The following STAU2 variants were observed in gnomAD, a reference collection of about 807,000 sequenced individuals.
STAU2 encodes staufen double-stranded RNA binding protein 2, also known as double-stranded RNA-binding protein Staufen homolog 2.
In STAU2, 20 loss-of-function variants were observed where a neutral mutation model predicts 65.9. The observed-to-expected ratio is 0.30, with a 90% CI of 0.21 to 0.44. STAU2 has a LOEUF of 0.44. Ranked by LOEUF, STAU2 falls within the 20% of genes least tolerant of loss-of-function variation. The probability of loss-of-function intolerance (pLI) is 1.00; values close to 1 mark genes in which losing one functional copy is unlikely to be tolerated. For synonymous variants in STAU2, 232 were observed against 233.9 expected (o/e 0.99, Z 0.07); for missense variants, 558 against 683.9 (o/e 0.82, Z 2.05).
At chr8:73,694,927 AGG>A (rs1041843432) in intron 4 of STAU2, among the ~76,000 whole-genome samples, 15 of 152,324 alleles carry the variant, frequency 9.8e-5, no homozygotes, top group Admixed American at 8.5e-4. Context: ...CACTAGCTGG[AGG>A]GGAATTGCCC....
intron 3 of STAU2, among the ~76,000 whole-genome samples, chr8:73,725,704 G>A (rs774831797): frequency 2.6e-5 from 4 of 152,208 alleles, no homozygotes; most frequent in Admixed American, 6.5e-5. Context: ...GGCCGAGGCA[G>A]GTGAATCACT....
chr8:73,500,728 T>C (rs1190407819), intron 13 of STAU2, among the ~76,000 whole-genome samples: 1 of 151,936 alleles, frequency 6.6e-6, no homozygotes, highest in African/African-American at 2.4e-5. Flanking sequence ...TTCATATGTT[T>C]AGAAGACTAA....
intron 5 of STAU2, among the ~76,000 whole-genome samples, chr8:73,684,770 T>C (rs1369076242): frequency 6.6e-6 from 1 of 151,844 alleles, no homozygotes; most frequent in African/African-American, 2.4e-5. Flanking sequence ...AAAAAAATAA[T>C]GCCATCAAAA....
chr8:73,642,500 C>A (rs1468593345), intron 6 of STAU2, among the ~76,000 whole-genome samples: 1 of 151,294 alleles, frequency 6.6e-6, no homozygotes, highest in African/African-American at 2.4e-5. Context: ...TCCAGCGTGG[C>A]GACAGAGCAA....
At chr8:73,549,568 G>A (rs574897006) in intron 13 of STAU2, 2 of 879,186 alleles carry the variant, frequency 2.3e-6, no homozygotes, top group South Asian at 5.2e-5. Flanking sequence ...ATTAAAGACT[G>A]GGTGATGAAA....
chr8:73,637,477 T>TAAAAAAAAAAAAAAGAAAAAAA (rs1814619712), intron 6 of STAU2, among the ~76,000 whole-genome samples: 1 of 57,086 alleles, frequency 1.8e-5, no homozygotes, highest in Non-Finnish European at 3.0e-5. Context: ...GTGCTGAAAG[T>TAAAAAAAAAAAAAAGAAAAAAA]AAAAAAAAAA....
intron 6 of STAU2, among the ~76,000 whole-genome samples, chr8:73,645,724 G>A (rs1481487725): frequency 1.3e-5 from 2 of 152,290 alleles, no homozygotes; most frequent in East Asian, 3.9e-4. Flanking sequence ...TGAGGCTTCT[G>A]CTTCTGGGAG....
At chr8:73,634,746 A>G (rs1814368611) in intron 6 of STAU2, among the ~76,000 whole-genome samples, 1 of 152,072 alleles carries the variant, frequency 6.6e-6, no homozygotes, top group African/African-American at 2.4e-5. Flanking sequence ...GGCCTTTACA[A>G]TGGCTGATCT....
intron 6 of STAU2, among the ~76,000 whole-genome samples, chr8:73,670,239 T>A (rs953235670): frequency 6.6e-6 from 1 of 152,278 alleles, no homozygotes; most frequent in African/African-American, 2.4e-5. Flanking sequence ...CTGGGAAGCC[T>A]GCCATTGTAT....
intron 3 of STAU2, among the ~76,000 whole-genome samples, chr8:73,736,811 C>A (rs1419785834): frequency 6.6e-6 from 1 of 152,202 alleles, no homozygotes; most frequent in Non-Finnish European, 1.5e-5. Context: ...TGCACAGGAA[C>A]TGGAAATTTC....
intron 6 of STAU2, among the ~76,000 whole-genome samples, chr8:73,667,497 T>C (rs1817325456): frequency 6.6e-6 from 1 of 152,172 alleles, no homozygotes; most frequent in South Asian, 2.1e-4. Flanking sequence ...AAATCTGTAT[T>C]ACTTTTCCTT....
rs113740741 is a variant in STAU2 at position 73,446,364 on chromosome 8, G to A, written c.1531-23662C>T. On this transcript the variant is annotated intron_variant, in intron 13 of 14. Transcript: ENST00000524300. Reference sequence around the variant, plus strand: ...GACAGAATAGCTTTGTATCTCGATCGCTGAGTGGTTGCACAAATCTTACAC... The same window carrying A: ...GACAGAATAGCTTTGTATCTCGATCACTGAGTGGTTGCACAAATCTTACAC... Among the ~76,000 whole-genome samples, 250 of 152,244 alleles carry A rather than the reference G, an allele frequency of 1.6e-3. 1 individual carries two copies. Among genetic ancestry groups the A allele is most frequent in the Middle Eastern group, 3.4e-3 (1 of 294 alleles).
Position 73,527,353 on chromosome 8 carries a change from C to T in STAU2, c.1530+24659G>A, listed in dbSNP as rs535290505. On this transcript the variant is annotated intron_variant, in intron 13 of 14. Coordinates refer to ENST00000524300, the MANE Select transcript of STAU2 (RefSeq NM_001164380.2). ...ACAGAACCAAATGAGTATACTACAGCGAGACTCCAGTGTTATCTATATTGT... is the reference window on the plus strand; with the variant it reads ...ACAGAACCAAATGAGTATACTACAGTGAGACTCCAGTGTTATCTATATTGT... 7.8e-4 allele frequency: 150 copies of T among 192,036 alleles called. 2 individuals carry two copies. The South Asian group carries it at 0.016, about 20-fold the overall frequency. The allele number at this position is 192,036 out of a possible 1,614,324, so 11.9% of individuals were successfully genotyped here. A position where few individuals can be genotyped will look rare whatever the true frequency, so the allele number is the denominator to read the frequency against.
chr8:73,678,127 A>G (rs1449540627), intron 5 of STAU2, among the ~76,000 whole-genome samples: 1 of 152,136 alleles, frequency 6.6e-6, no homozygotes, highest in Non-Finnish European at 1.5e-5. Context: ...TTCTTCACCC[A>G]TAAACTATGA....
intron 13 of STAU2, among the ~76,000 whole-genome samples, chr8:73,441,988 A>G (rs1818180358): frequency 6.6e-6 from 1 of 152,168 alleles, no homozygotes; most frequent in South Asian, 2.1e-4. Context: ...GAAGTAAACG[A>G]TATCTTCTTT....
intron 13 of STAU2, among the ~76,000 whole-genome samples, chr8:73,489,891 C>T (rs1386603524): frequency 1.3e-5 from 2 of 151,910 alleles, no homozygotes; most frequent in African/African-American, 4.8e-5. Flanking sequence ...AGCAGTAGGT[C>T]TATTGTTCAG....
At chr8:73,478,430 T>A (rs1563615797) in intron 13 of STAU2, among the ~76,000 whole-genome samples, 1 of 152,078 alleles carries the variant, frequency 6.6e-6, no homozygotes. Context: ...GGCAGCAGGT[T>A]GGACAAGTCT....
intron 6 of STAU2, among the ~76,000 whole-genome samples, chr8:73,645,613 T>A (rs1372077764): frequency 6.6e-6 from 1 of 152,148 alleles, no homozygotes; most frequent in Non-Finnish European, 1.5e-5. Context: ...GAAACACGTA[T>A]TAGTCCGTTC....
rs556126682 is a variant in STAU2 at position 73,572,647 on chromosome 8, A to G, written c.1222+10123T>C. Reference sequence around the variant, plus strand: ...CATATAAAGAGAACCAAAGACGAAAACCACGATTATCTCAATAGATGCAGA... The same window carrying G: ...CATATAAAGAGAACCAAAGACGAAAGCCACGATTATCTCAATAGATGCAGA... On this transcript the variant is annotated intron_variant, in intron 12 of 14. Transcript: ENST00000524300. 1.3e-4 allele frequency among the ~76,000 whole-genome samples: 20 copies of G among 152,260 alleles called. No individual in the cohort carries two copies. In the South Asian group the frequency reaches 3.7e-3, roughly 28 times the overall value.
Sources: allele counts gnomAD v4.1 joint callset (sites outside exome capture counted in the v4.1 genomes callset), GRCh38; gene constraint gnomAD v4.1.1; transcripts MANE v1.5; gene names NCBI Gene and HGNC (gene_info 2026-07-23, HGNC 2026-07-21).